Variants in WDR18 observed in about 807,000 individuals in gnomAD.
The protein encoded by WDR18 is WD repeat-containing protein 18.
In WDR18, 33 loss-of-function variants were observed where a neutral mutation model predicts 49.6. The observed-to-expected ratio is 0.67, with a 90% CI of 0.50 to 0.89. WDR18 has a LOEUF of 0.89. WDR18 is among the 40% of genes least tolerant of loss of function. WDR18 has a pLI of 0.00. For missense variants in WDR18, 653 were observed against 593.6 expected, an observed-to-expected ratio of 1.10 and a Z score of -1.04; for synonymous variants, 315 against 263.6, an observed-to-expected ratio of 1.19 and a Z score of -1.89.
chr19:983,831 G>A (rs538072052), upstream of WDR18, among the ~76,000 whole-genome samples: 16 of 151,968 alleles, frequency 1.1e-4, no homozygotes, highest in African/African-American at 3.9e-4. Flanking sequence ...CTTGAGCTCA[G>A]GAGTTCGAGG....
chr19:984,255 C>T, upstream of WDR18: 1 of 1,266,186 alleles, frequency 7.9e-7, no homozygotes, highest in Non-Finnish European at 1.0e-6. Flanking sequence ...GCGGGTCGGC[C>T]ACCCGCTGGG....
At chr19:983,739 G>A (rs907265646), upstream of WDR18, among the ~76,000 whole-genome samples, 2 of 151,564 alleles carry the variant, frequency 1.3e-5, no homozygotes, top group Non-Finnish European at 2.9e-5. Context: ...GGCAGATGTC[G>A]ACCAATAAGG....
rs2038518403 is a variant in WDR18, at chr19:989,648, C to T, written c.322-114C>T. The T allele has an allele frequency of 4.8e-6, 7 of 1,447,268 alleles. 1 individual carries two copies. The South Asian group carries it at 7.7e-5, about 16-fold the overall frequency. 89.7% of individuals were successfully genotyped at this position (1,447,268 alleles called of 1,614,324 possible). A position where few individuals can be genotyped will look rare whatever the true frequency, so the allele number is the denominator to read the frequency against. ...CCCCGCAGTCCTGGGGCAGGGCAGG[C>T]AGGGGGCGACAGTGTGGCCATGGCC... is the stretch of plus-strand genomic sequence containing the variant. On this transcript the variant is annotated intron_variant, in intron 2 of 9. Coordinates refer to ENST00000585809, the MANE Select transcript of WDR18 (RefSeq NM_024100.4).
At chr19:984,649 T>G in intron 1 of WDR18, 86 bp downstream of exon 1, 1 of 1,278,948 alleles carries the variant, frequency 7.8e-7, no homozygotes. Flanking sequence ...GCGTGCACCC[T>G]TAGTCGGAAT....
At chr19:984,337 G>A, upstream of WDR18, 2 of 1,579,964 alleles carry the variant, frequency 1.3e-6, no homozygotes, top group East Asian at 2.5e-5. Flanking sequence ...CACGTCCGGG[G>A]CGGTGGGGAA....
At position 992,013 on chromosome 19, in the gene WDR18, C is replaced by T. The variant is rs767500029; in HGVS notation, c.990C>T (p.Phe330=). 1 of 1,596,384 alleles carries T rather than the reference C, an allele frequency of 6.3e-7. No homozygotes were observed. The highest frequency in any genetic ancestry group is 1.4e-5 in the African/African-American group (1 of 73,576). The change falls in exon 8 of 10, where the codon TTC becomes TTT. Residue 330 remains phenylalanine, a synonymous_variant. Coordinates refer to ENST00000585809, the MANE Select transcript of WDR18 (RefSeq NM_024100.4). The part of the protein sequence containing the change: ...LAPVSMLSSD[F]RPSLPLPHFN... ...CCGTCAGCATGCTGAGCTCAGACTT[C>T]AGGCCCAGCCTGCCGCTGCCCCACT...
intron 8 of WDR18, among the ~76,000 whole-genome samples, 184 bp downstream of exon 8, chr19:992,305 G>C (rs546726391): frequency 6.6e-6 from 1 of 152,346 alleles, no homozygotes; most frequent in South Asian, 2.1e-4. Context: ...TCTCAGTATG[G>C]ACCCAGAGGC....
chr19:989,956 G>T, intron 3 of WDR18, 61 bp downstream of exon 3: 1 of 1,537,090 alleles, frequency 6.5e-7, no homozygotes, highest in Non-Finnish European at 8.7e-7. Context: ...GCGGGGAGAG[G>T]AGGCGCCAAG....
rs371684147 is a variant in WDR18, at chr19:991,983, G to A, written c.960G>A (p.Leu320=). 6.3e-7 allele frequency: 1 copy of A among 1,595,608 alleles called. No homozygotes were observed. Among genetic ancestry groups the A allele is most frequent in the Non-Finnish European group, 8.5e-7 (1 of 1,175,468 alleles). The change falls in exon 8 of 10, where the codon CTG becomes CTA. Residue 320 remains leucine (L), a synonymous_variant. Transcript: ENST00000585809. The part of the protein sequence containing the change: ...KGPVTNAAIL[L]APVSMLSSDF... Reference sequence around the variant, plus strand: ...CAGTCACCAATGCCGCCATCCTGCTGGCGCCCGTCAGCATGCTGAGCTCAG... The same window carrying A: ...CAGTCACCAATGCCGCCATCCTGCTAGCGCCCGTCAGCATGCTGAGCTCAG...
At position 989,845 on chromosome 19, in the gene WDR18, C is replaced by G; in HGVS notation, c.405C>G (p.His135Gln). 1 of 1,612,774 alleles carries G rather than the reference C, an allele frequency of 6.2e-7. No homozygotes were observed. Among genetic ancestry groups the G allele is most frequent in the Non-Finnish European group, 8.5e-7 (1 of 1,179,784 alleles). The change falls in exon 3 of 10, where the codon CAC becomes CAG. Residue 135 changes from histidine (H) to glutamine (Q), a missense_variant. By Grantham distance (24) the His-to-Gln change is conservative. Transcript: ENST00000585809. ...SCLQFTGDSS[H>Q]FISGGKDCLV... ...TTCAGTTCACAGGGGACAGCAGCCA[C>G]TTCATCTCAGGGGGCAAGGACTGCC...
Position 994,059 on chromosome 19 carries a change from C to T in WDR18, c.1138C>T (p.Gln380Ter), listed in dbSNP as rs2038597095. 2 of 1,560,896 alleles carry T rather than the reference C, an allele frequency of 1.3e-6. No individual in the cohort carries two copies. The highest frequency in any genetic ancestry group is 1.7e-6 in the Non-Finnish European group (2 of 1,153,982). The change falls in exon 9 of 10, where the codon CAG becomes TAG. Residue 380 changes from glutamine to a stop codon, truncating the protein, a stop_gained. Transcript: ENST00000585809. LOFTEE classifies it high-confidence loss of function. ...CTACCTGGACCGCACGGAGCAGCTG[C>T]AGGCCGTCCTGTGCAGCACCATGGA... ...PSYLDRTEQL[Q>*]AVLCSTMEKS...
At position 991,418 on chromosome 19, in the gene WDR18, T is replaced by G. The variant is rs554175755; in HGVS notation, c.931+67T>G. 113 of 750,004 alleles carry G rather than the reference T, an allele frequency of 1.5e-4. No homozygotes were observed. The South Asian group carries it at 2.3e-3, about 15-fold the overall frequency. The allele number at this position is 750,004 out of a possible 1,614,324, so 46.5% of individuals were successfully genotyped here. ...AAAAAGCCAGCAGGAGCTCCGGGCT[T>G]GGCTTGGGTGGGGGCGGGGACTGGT... On this transcript the variant is annotated intron_variant, in intron 7 of 9. Coordinates refer to ENST00000585809, the MANE Select transcript of WDR18 (RefSeq NM_024100.4).
At chr19:988,573 C>T (rs1053002652) in intron 2 of WDR18, among the ~76,000 whole-genome samples, 2 of 152,216 alleles carry the variant, frequency 1.3e-5, no homozygotes, top group African/African-American at 4.8e-5. Flanking sequence ...CCAGCAGGCT[C>T]TGCCTGCCCC....
chr19:994,160 C>G, intron 9 of WDR18, 53 bp from the exon 10 acceptor site: 2 of 1,554,508 alleles, frequency 1.3e-6, no homozygotes, highest in Non-Finnish European at 8.7e-7. Context: ...GAGTGGCCCC[C>G]CTCCAGCACA....
intron 8 of WDR18, among the ~76,000 whole-genome samples, chr19:993,202 TC>T (rs1383959480): frequency 6.6e-6 from 1 of 152,252 alleles, no homozygotes; most frequent in Non-Finnish European, 1.5e-5. Context: ...GCCGGAACTT[TC>T]GGAGTGAAAA....
At chr19:988,819 C>G (rs1218605166) in intron 2 of WDR18, among the ~76,000 whole-genome samples, 1 of 152,184 alleles carries the variant, frequency 6.6e-6, no homozygotes, top group Non-Finnish European at 1.5e-5. Context: ...TTGCACTTCT[C>G]TCAGCTTACA....
intron 9 of WDR18, 52 bp from the exon 10 acceptor site, chr19:994,161 C>T (rs2038599286): frequency 1.3e-6 from 2 of 1,555,556 alleles, no homozygotes; most frequent in African/African-American, 1.4e-5. Context: ...AGTGGCCCCC[C>T]TCCAGCACAC....
chr19:994,155 G>GC (rs914032057), intron 9 of WDR18, 58 bp from the exon 10 acceptor site: 6 of 1,550,730 alleles, frequency 3.9e-6, no homozygotes, highest in African/African-American at 2.7e-5. Context: ...GGGGTGAGTG[G>GC]CCCCCCTCCA....
chr19:985,818 C>T (rs1486673274), intron 1 of WDR18, 47 bp from the exon 2 acceptor site: 1 of 1,589,624 alleles, frequency 6.3e-7, no homozygotes, highest in Admixed American at 1.7e-5. Context: ...GCTGTAGTAG[C>T]TCCCGTGTCC....
Sources: allele counts gnomAD v4.1 joint callset (sites outside exome capture counted in the v4.1 genomes callset), GRCh38; gene constraint gnomAD v4.1.1; transcripts MANE v1.5; gene names NCBI Gene and HGNC (gene_info 2026-07-23, HGNC 2026-07-21).